The following C4orf36 variants were observed in gnomAD, a reference collection of about 807,000 sequenced individuals.
C4orf36 encodes chromosome 4 open reading frame 36.
C4orf36 carries 11 observed loss-of-function variants against 12.2 expected under a neutral mutation model. That is an observed-to-expected ratio of 0.90 (90% confidence interval 0.57 to 1.49). C4orf36 has a LOEUF of 1.49. Ranked by LOEUF, C4orf36 falls within the 40% of genes most tolerant of loss-of-function variation. The pLI, the probability that C4orf36 is intolerant of heterozygous loss-of-function variation, is 0.00. For missense variants in C4orf36, 137 were observed against 133.9 expected, an observed-to-expected ratio of 1.02 and a Z score of -0.11; for synonymous variants, 54 against 51.3, an observed-to-expected ratio of 1.05 and a Z score of -0.22.
chr4:86,878,742 C>T (rs1379928865), intron 4 of C4orf36, among the ~76,000 whole-genome samples: 1 of 152,170 alleles, frequency 6.6e-6, no homozygotes, highest in African/African-American at 2.4e-5. Flanking sequence ...TCTTACCTGA[C>T]TTGGAACAGT....
chr4:86,877,925 T>C (rs1335188600), intron 4 of C4orf36, among the ~76,000 whole-genome samples: 1 of 152,136 alleles, frequency 6.6e-6, no homozygotes, highest in Non-Finnish European at 1.5e-5. Flanking sequence ...AACCCAATGG[T>C]GGGAACTGGG....
the C4orf36 span, among the ~76,000 whole-genome samples, chr4:86,920,672 A>C: frequency 1.3e-5 from 2 of 152,194 alleles, no homozygotes; most frequent in Non-Finnish European, 2.9e-5. Context: ...CATGCTCAAG[A>C]GCAAAAGGGG....
At chr4:86,878,258 T>C (rs1029466358) in intron 4 of C4orf36, among the ~76,000 whole-genome samples, 22 of 152,198 alleles carry the variant, frequency 1.4e-4, no homozygotes, top group African/African-American at 4.3e-4. Context: ...TTCTCCAGTC[T>C]CTGCACTCCC....
chr4:86,935,284 C>T, the C4orf36 span: 2 of 152,440 alleles, frequency 1.3e-5, no homozygotes, highest in Non-Finnish European at 2.9e-5. Context: ...GTCGATCCGC[C>T]CGGCCCCCGA....
the C4orf36 span, among the ~76,000 whole-genome samples, chr4:86,907,763 G>C: frequency 6.6e-6 from 1 of 151,924 alleles, no homozygotes; most frequent in African/African-American, 2.4e-5. Flanking sequence ...GATCACTTGA[G>C]GCCAGGAGTT....
upstream of C4orf36, among the ~76,000 whole-genome samples, chr4:86,894,545 T>C (rs1747549436): frequency 1.3e-5 from 2 of 152,150 alleles, no homozygotes; most frequent in African/African-American, 4.8e-5. Flanking sequence ...GTTGTAGAAA[T>C]AGGTCTAGGG....
chr4:86,913,766 C>T, the C4orf36 span: 6 of 1,420,584 alleles, frequency 4.2e-6, no homozygotes, highest in Middle Eastern at 2.4e-4. Context: ...CTAACTCTGA[C>T]ATCAGCTGCC....
At chr4:86,891,293 C>CAAAAA (rs34250498) in intron 2 of C4orf36, among the ~76,000 whole-genome samples, 163 bp downstream of exon 2, 25 of 118,938 alleles carry the variant, frequency 2.1e-4, no homozygotes, top group Non-Finnish European at 2.7e-4. Context: ...AAGCAGTTGC[C>CAAAAA]AAAAAAAAAA....
chr4:86,906,191 C>A, the C4orf36 span, among the ~76,000 whole-genome samples: 1 of 152,142 alleles, frequency 6.6e-6, no homozygotes, highest in Non-Finnish European at 1.5e-5. Flanking sequence ...AAACTGGGAA[C>A]AAATTCTAAT....
At chr4:86,904,299 T>C in the C4orf36 span, among the ~76,000 whole-genome samples, 4 of 152,232 alleles carry the variant, frequency 2.6e-5, no homozygotes, top group African/African-American at 9.6e-5. Flanking sequence ...CTCTTCACAC[T>C]TCCCCGCGAG....
the C4orf36 span, among the ~76,000 whole-genome samples, chr4:86,923,265 A>AT: frequency 1.3e-5 from 2 of 150,784 alleles, no homozygotes; most frequent in Non-Finnish European, 3.0e-5. Flanking sequence ...CTGTTTTTTA[A>AT]TTTTTTGTAG....
chr4:86,926,237 G>A, the C4orf36 span: 1 of 152,276 alleles, frequency 6.6e-6, no homozygotes, highest in Non-Finnish European at 1.5e-5. Flanking sequence ...CATAGGTGCT[G>A]ACACTTGTAC....
At chr4:86,901,718 G>T in the C4orf36 span, among the ~76,000 whole-genome samples, 1 of 152,092 alleles carries the variant, frequency 6.6e-6, no homozygotes, top group Non-Finnish European at 1.5e-5. Context: ...GCCACACACA[G>T]CTTTTATAAC....
At chr4:86,882,646 T>C (rs912082640) in intron 4 of C4orf36, among the ~76,000 whole-genome samples, 1 of 152,214 alleles carries the variant, frequency 6.6e-6, no homozygotes, top group African/African-American at 2.4e-5. Flanking sequence ...AGCCAGTTTC[T>C]GCCAGCTTAT....
At chr4:86,880,451 C>T (rs1358728656) in intron 4 of C4orf36, among the ~76,000 whole-genome samples, 1 of 152,038 alleles carries the variant, frequency 6.6e-6, no homozygotes, top group African/African-American at 2.4e-5. Context: ...GAGACTCCGT[C>T]TCAAATAAAA....
At chr4:86,931,933 G>A in the C4orf36 span, among the ~76,000 whole-genome samples, 1 of 151,940 alleles carries the variant, frequency 6.6e-6, no homozygotes, top group Non-Finnish European at 1.5e-5. Context: ...TACTCAGGAG[G>A]CTGAGGCAGG....
intron 4 of C4orf36, among the ~76,000 whole-genome samples, chr4:86,882,767 T>G (rs1747078460): frequency 6.6e-6 from 1 of 152,194 alleles, no homozygotes; most frequent in Admixed American, 6.5e-5. Context: ...ATGGGAAGTA[T>G]GTTACATATA....
At chr4:86,889,689 G>T (rs1425763978) in intron 2 of C4orf36, among the ~76,000 whole-genome samples, 1 of 151,704 alleles carries the variant, frequency 6.6e-6, no homozygotes, top group East Asian at 1.9e-4. Context: ...GCAGAGGCAG[G>T]AGGATCGCTG....
At chr4:86,898,447 C>T in the C4orf36 span, among the ~76,000 whole-genome samples, 2 of 152,114 alleles carry the variant, frequency 1.3e-5, no homozygotes, top group African/African-American at 2.4e-5. Flanking sequence ...CCTGTAATCC[C>T]AGCACTTTGG....
Sources: gnomAD v4.1 joint callset for allele counts (sites outside exome capture counted in the v4.1 genomes callset) on GRCh38, gnomAD v4.1.1 for gene constraint, MANE v1.5 for transcripts, NCBI Gene and HGNC (gene_info 2026-07-23, HGNC 2026-07-21) for gene names.